The following ARHGAP15 variants were observed in gnomAD, a reference collection of about 807,000 sequenced individuals.
The protein encoded by ARHGAP15 is rho GTPase-activating protein 15.
A neutral mutation model predicts 63.7 loss-of-function variants in ARHGAP15; 51 were observed. The ratio of observed to expected loss-of-function variants is 0.80; its 90% CI spans 0.64 to 1.01. ARHGAP15 has a LOEUF of 1.01. Ranked by LOEUF, ARHGAP15 falls within the 50% of genes least tolerant of loss-of-function variation. ARHGAP15 has a pLI of 0.00. For synonymous variants in ARHGAP15, 191 were observed against 193.8 expected (o/e 0.99, Z 0.12); for missense variants, 560 against 564.6 (o/e 0.99, Z 0.08).
chr2:143,152,364 A>T (rs1301652047), intron 1 of ARHGAP15, among the ~76,000 whole-genome samples: 1 of 151,968 alleles, frequency 6.6e-6, no homozygotes, highest in Non-Finnish European at 1.5e-5. Context: ...ACCTGCACTG[A>T]CTTAGCTCTG....
chr2:143,743,260 C>T (rs1323372358), intron 13 of ARHGAP15, among the ~76,000 whole-genome samples: 1 of 152,132 alleles, frequency 6.6e-6, no homozygotes, highest in Non-Finnish European at 1.5e-5. Flanking sequence ...AATAATAGTA[C>T]CTGTCTCACA....
intron 6 of ARHGAP15, among the ~76,000 whole-genome samples, chr2:143,298,761 A>G (rs553080735): frequency 6.6e-6 from 1 of 152,084 alleles, no homozygotes; most frequent in East Asian, 1.9e-4. Flanking sequence ...ACAATAATTT[A>G]CATATTATAA....
At chr2:143,371,416 A>G (rs1686544997) in intron 6 of ARHGAP15, among the ~76,000 whole-genome samples, 1 of 152,152 alleles carries the variant, frequency 6.6e-6, no homozygotes, top group South Asian at 2.1e-4. Flanking sequence ...AGACTCCAAG[A>G]TGGCATATTG....
intron 11 of ARHGAP15, among the ~76,000 whole-genome samples, chr2:143,560,320 A>C (rs1239828095): frequency 3.3e-5 from 5 of 152,218 alleles, no homozygotes; most frequent in Admixed American, 6.5e-5. Flanking sequence ...ATTATGTGCC[A>C]GGCACTGTAC....
intron 13 of ARHGAP15, among the ~76,000 whole-genome samples, chr2:143,752,918 C>T (rs1448284580): frequency 6.6e-6 from 1 of 152,142 alleles, no homozygotes; most frequent in Non-Finnish European, 1.5e-5. Flanking sequence ...AGGAAGATCA[C>T]CTGAGGCCAG....
chr2:143,673,072 C>T (rs1682609185), intron 12 of ARHGAP15, among the ~76,000 whole-genome samples: 1 of 152,006 alleles, frequency 6.6e-6, no homozygotes, highest in Admixed American at 6.5e-5. Context: ...CATGATTGTG[C>T]CAGCTTTCCA....
intron 11 of ARHGAP15, among the ~76,000 whole-genome samples, chr2:143,622,268 T>A (rs2105237380): frequency 6.6e-6 from 1 of 152,226 alleles, no homozygotes; most frequent in East Asian, 1.9e-4. Context: ...AGCACACAGG[T>A]CCATTATGAG....
chr2:143,436,473 G>A (rs1689618097), intron 7 of ARHGAP15, among the ~76,000 whole-genome samples: 1 of 152,088 alleles, frequency 6.6e-6, no homozygotes, highest in Non-Finnish European at 1.5e-5. Context: ...TTAAAGGGGT[G>A]TGTGTGTGAA....
At chr2:143,302,896 T>A (rs368281575) in intron 6 of ARHGAP15, among the ~76,000 whole-genome samples, 4 of 151,860 alleles carry the variant, frequency 2.6e-5, no homozygotes, top group Middle Eastern at 3.4e-3. Context: ...ATAATAATTC[T>A]GCTCCTCTGT....
intron 13 of ARHGAP15, among the ~76,000 whole-genome samples, chr2:143,747,294 C>T (rs1177873769): frequency 2.6e-5 from 4 of 151,996 alleles, no homozygotes; most frequent in African/African-American, 9.7e-5. Context: ...ACTTCCTCTC[C>T]ACCCACCACA....
chr2:143,201,462 T>C (rs1302112564), intron 2 of ARHGAP15, among the ~76,000 whole-genome samples: 1 of 152,050 alleles, frequency 6.6e-6, no homozygotes, highest in Non-Finnish European at 1.5e-5. Context: ...ATCAGGGTAA[T>C]TGGGGTATTC....
At chr2:143,415,383 GA>G (rs1175937913) in intron 6 of ARHGAP15, among the ~76,000 whole-genome samples, 1 of 151,794 alleles carries the variant, frequency 6.6e-6, no homozygotes, top group Admixed American at 6.6e-5. Flanking sequence ...ATTGGCAGAT[GA>G]AAAAAATATA....
chr2:143,531,767 GC>G (rs1482055218), intron 10 of ARHGAP15, among the ~76,000 whole-genome samples: 1 of 152,154 alleles, frequency 6.6e-6, no homozygotes, highest in Non-Finnish European at 1.5e-5. Flanking sequence ...GTGCTTTCCA[GC>G]ATACATACCA....
At chr2:143,638,551 A>C (rs1680444692) in intron 12 of ARHGAP15, among the ~76,000 whole-genome samples, 2 of 149,640 alleles carry the variant, frequency 1.3e-5, no homozygotes, top group African/African-American at 4.9e-5. Flanking sequence ...ACCTAATGCT[A>C]GATGACGAGT....
intron 9 of ARHGAP15, 146 bp from the exon 10 acceptor site, chr2:143,519,120 C>A: frequency 1.9e-6 from 1 of 532,014 alleles, no homozygotes; most frequent in Non-Finnish European, 3.4e-6. Flanking sequence ...CTTCATATGT[C>A]TGCCATAGAC....
At chr2:143,321,908 C>T (rs1684041030) in intron 6 of ARHGAP15, among the ~76,000 whole-genome samples, 1 of 152,132 alleles carries the variant, frequency 6.6e-6, no homozygotes, top group South Asian at 2.1e-4. Context: ...GAAGCCTTGG[C>T]CTCAAGCAAT....
intron 5 of ARHGAP15, 38 bp from the exon 6 acceptor site, chr2:143,250,473 T>C (rs547028988): frequency 1.3e-6 from 2 of 1,485,510 alleles, no homozygotes; most frequent in East Asian, 4.5e-5. Context: ...TCTACAGTGT[T>C]GCATCCTCTT....
intron 6 of ARHGAP15, among the ~76,000 whole-genome samples, chr2:143,380,669 G>C (rs569920173): frequency 6.6e-6 from 1 of 152,136 alleles, no homozygotes; most frequent in East Asian, 1.9e-4. Flanking sequence ...TAGTTGCTGC[G>C]CTTCCTTGTA....
intron 8 of ARHGAP15, among the ~76,000 whole-genome samples, chr2:143,449,703 G>C (rs555905681): frequency 6.6e-6 from 1 of 152,042 alleles, no homozygotes; most frequent in Admixed American, 6.6e-5. Flanking sequence ...TCAAAAAATA[G>C]AGGAAAGATT....
Sources: gnomAD v4.1 joint callset for allele counts (sites outside exome capture counted in the v4.1 genomes callset) on GRCh38, gnomAD v4.1.1 for gene constraint, MANE v1.5 for transcripts, NCBI Gene and HGNC (gene_info 2026-07-23, HGNC 2026-07-21) for gene names.